CACNA1E: variants seen among roughly 807,000 people sequenced by gnomAD.
CACNA1E encodes the protein calcium voltage-gated channel subunit alpha1 E.
CACNA1E carries 40 observed loss-of-function variants against 259.2 expected under a neutral mutation model. That is an observed-to-expected ratio of 0.15 (90% CI 0.12 to 0.20). CACNA1E has a LOEUF of 0.20. CACNA1E is among the 10% of genes least tolerant of loss of function. CACNA1E has a pLI of 1.00. For missense variants in CACNA1E, 1,874 were observed against 3,040.1 expected (o/e 0.62, Z 9.02); for synonymous variants, 1,104 against 1,138.5 (o/e 0.97, Z 0.61).
intron 6 of CACNA1E, among the ~76,000 whole-genome samples, chr1:181,621,360 C>T (rs1384145027): frequency 2.0e-5 from 3 of 152,160 alleles, no homozygotes; most frequent in Non-Finnish European, 4.4e-5. Context: ...TGAAGGAAAA[C>T]CATAAACCAG....
chr1:181,388,602 T>G (rs2102025882), intron 1 of CACNA1E, among the ~76,000 whole-genome samples: 1 of 152,276 alleles, frequency 6.6e-6, no homozygotes, highest in East Asian at 1.9e-4. Flanking sequence ...AAATATGGTA[T>G]TATAAGCCGG....
chr1:181,723,722 G>A (rs181600622), intron 16 of CACNA1E, among the ~76,000 whole-genome samples: 2 of 152,212 alleles, frequency 1.3e-5, no homozygotes, highest in Admixed American at 1.3e-4. Flanking sequence ...TTGCTAGAAT[G>A]GCTCACAGAA....
chr1:181,566,987 A>G (rs1439077539), intron 3 of CACNA1E, among the ~76,000 whole-genome samples: 1 of 152,110 alleles, frequency 6.6e-6, no homozygotes, highest in Non-Finnish European at 1.5e-5. Context: ...ATACACTACT[A>G]CCATGCATAA....
At chr1:181,749,149 T>C (rs1180500489) in intron 25 of CACNA1E, among the ~76,000 whole-genome samples, 1 of 152,020 alleles carries the variant, frequency 6.6e-6, no homozygotes, top group African/African-American at 2.4e-5. Flanking sequence ...TCTTTGCTTG[T>C]GACATACAGT....
At chr1:181,455,508 C>T (rs1011660582) in intron 2 of CACNA1E, among the ~76,000 whole-genome samples, 4 of 152,110 alleles carry the variant, frequency 2.6e-5, no homozygotes, top group African/African-American at 9.7e-5. Flanking sequence ...CTGCTGTGCT[C>T]GTAAAAAATT....
chr1:181,756,581 C>T (rs1658107586), intron 29 of CACNA1E, among the ~76,000 whole-genome samples: 1 of 152,190 alleles, frequency 6.6e-6, no homozygotes, highest in Non-Finnish European at 1.5e-5. Flanking sequence ...TTCTCAGAGA[C>T]TTAGCAATGA....
At chr1:181,769,838 T>A (rs1215987959) in intron 35 of CACNA1E, among the ~76,000 whole-genome samples, 1 of 152,202 alleles carries the variant, frequency 6.6e-6, no homozygotes, top group East Asian at 1.9e-4. Context: ...GCAGGAAATG[T>A]GAACAGGGCA....
At chr1:181,426,246 A>G (rs1571843172) in intron 2 of CACNA1E, among the ~76,000 whole-genome samples, 1 of 149,106 alleles carries the variant, frequency 6.7e-6, no homozygotes, top group Admixed American at 6.7e-5. Context: ...CCTCAACCCA[A>G]CCTCTCTCCA....
At chr1:181,637,809 C>T (rs1231133415) in intron 6 of CACNA1E, among the ~76,000 whole-genome samples, 1 of 152,124 alleles carries the variant, frequency 6.6e-6, no homozygotes, top group African/African-American at 2.4e-5. Flanking sequence ...GTGAAGGTAA[C>T]ATTCAGTCAG....
chr1:181,790,087 T>A (rs1055740034), intron 43 of CACNA1E, among the ~76,000 whole-genome samples: 1 of 152,188 alleles, frequency 6.6e-6, no homozygotes, highest in African/African-American at 2.4e-5. Context: ...TTAAACAAAC[T>A]GTTCACTGTG....
chr1:181,732,465 C>T lies in CACNA1E; in HGVS notation c.2379C>T (p.Ser793=). Residue 793 remains serine, a synonymous_variant, in exon 20 of 48, where the codon AGC becomes AGT. Coordinates refer to ENST00000367573, the MANE Select transcript of CACNA1E (RefSeq NM_001205293.3). This position sits in a 1 kb window ranked among gnomAD's most constrained non-coding sequence, Gnocchi z 5.5. ...TGAGGAAGCACATGCAGATGTCCAG[C>T]CAGGAGGCCCTCAACAGAGAGGAGG... ...SQLRKHMQMS[S]QEALNREEAP... 6.4e-7 allele frequency: 1 copy of T among 1,551,260 alleles called. No homozygotes were observed. The highest frequency in any genetic ancestry group is 8.7e-7 in the Non-Finnish European group (1 of 1,146,776).
chr1:181,431,068 C>A (rs1659682373), intron 2 of CACNA1E, among the ~76,000 whole-genome samples: 1 of 151,490 alleles, frequency 6.6e-6, no homozygotes, highest in South Asian at 2.1e-4. Context: ...AAATGATATT[C>A]CAAAGAATTA....
chr1:181,593,070 G>A (rs548389689), intron 6 of CACNA1E, among the ~76,000 whole-genome samples: 2 of 152,228 alleles, frequency 1.3e-5, no homozygotes, highest in South Asian at 4.2e-4. Context: ...AGTAATATGG[G>A]GGTAATGCTG....
chr1:181,400,759 G>A (rs920039485), intron 1 of CACNA1E, among the ~76,000 whole-genome samples: 1 of 152,054 alleles, frequency 6.6e-6, no homozygotes, highest in East Asian at 1.9e-4. Flanking sequence ...AGTCCTGATG[G>A]CCTGTGTTTT....
chr1:181,791,701 A>AAAGAC (rs533232661), intron 44 of CACNA1E, among the ~76,000 whole-genome samples: 100 of 152,254 alleles, frequency 6.6e-4, no homozygotes, highest in Non-Finnish European at 8.8e-4. Context: ...GAAGAGAAAA[A>AAAGAC]AAGACAAAAC....
At chr1:181,334,095 AT>A (rs1651497457) in intron 1 of CACNA1E, among the ~76,000 whole-genome samples, 1 of 152,190 alleles carries the variant, frequency 6.6e-6, no homozygotes, top group Admixed American at 6.5e-5. Context: ...TCTTTCCAAG[AT>A]CATAAATGGC....
At chr1:181,488,413 A>T (rs149934086) in intron 1 of CACNA1E, among the ~76,000 whole-genome samples, 113 of 152,358 alleles carry the variant, frequency 7.4e-4, no homozygotes, top group African/African-American at 2.6e-3. Flanking sequence ...GTGGATGCAG[A>T]TGGTGAAACA....
At chr1:181,654,901 G>A (rs1432592823) in intron 7 of CACNA1E, among the ~76,000 whole-genome samples, 4 of 150,632 alleles carry the variant, frequency 2.7e-5, no homozygotes, top group East Asian at 2.0e-4. Flanking sequence ...GGAGAATGGC[G>A]TGAACCCCAG....
At chr1:181,724,612 C>G in intron 17 of CACNA1E, 75 bp downstream of exon 17, 1 of 1,222,074 alleles carries the variant, frequency 8.2e-7, no homozygotes, top group South Asian at 1.3e-5. Context: ...AACTCTCTCC[C>G]AAAGTCTACA....
Sources: allele counts gnomAD v4.1 joint callset (sites outside exome capture counted in the v4.1 genomes callset), GRCh38; gene constraint gnomAD v4.1.1; non-coding constraint Gnocchi (gnomAD v3.1); transcripts MANE v1.5; gene names NCBI Gene and HGNC (gene_info 2026-07-23, HGNC 2026-07-21).